The following MEST variants were observed in gnomAD, a reference collection of about 807,000 sequenced individuals.
MEST encodes mesoderm specific transcript.
In MEST, 18 loss-of-function variants were observed where a neutral mutation model predicts 50.9. The ratio of observed to expected loss-of-function variants is 0.35; its 90% CI spans 0.24 to 0.52. The LOEUF (loss-of-function observed/expected upper bound fraction) is 0.52. MEST is among the 20% of genes least tolerant of loss of function. MEST has a pLI of 0.94. For missense variants in MEST, 282 were observed against 425.3 expected, an observed-to-expected ratio of 0.66 and a Z score of 2.96; for synonymous variants, 130 against 154.1, an observed-to-expected ratio of 0.84 and a Z score of 1.16.
intron 1 of MEST, chr7:130,486,982 G>C (rs1554433899): frequency 1.3e-5 from 2 of 153,042 alleles, no homozygotes; most frequent in South Asian, 2.1e-4. Context: ...GGTTCAGGGA[G>C]GGGGACAGCT....
chr7:130,489,674 A>G (rs1447654803), upstream of MEST: 7 of 152,254 alleles, frequency 4.6e-5, no homozygotes, highest in Non-Finnish European at 1.0e-4. Flanking sequence ...TTCCATGCCC[A>G]TCTCAACCTC....
At position 130,498,475 on chromosome 7, in the gene MEST, G is replaced by T. The variant is rs1799155282; in HGVS notation, c.533G>T (p.Gly178Val). ...ATAAAGAGTCTCTGTCTGTCAAATG[G>T]AGGTAATTGCCTTGGCGGTAGGTAG... ...LTIKSLCLSN[G>V]GIFPETHRPL... Residue 178 changes from glycine (G) to valine (V), a missense_variant and splice_region_variant, in exon 6 of 12, where the codon GGA (glycine) becomes GTA (valine). Gly to Val is a moderately radical substitution (Grantham distance 109). Coordinates refer to ENST00000223215, the MANE Select transcript of MEST (RefSeq NM_002402.4). 6.2e-7 allele frequency: 1 copy of T among 1,614,120 alleles called. No individual in the cohort carries two copies. The highest frequency in any genetic ancestry group is 8.5e-7 in the Non-Finnish European group (1 of 1,180,018).
At chr7:130,494,000 C>T (rs1554436162) in intron 1 of MEST, among the ~76,000 whole-genome samples, 1 of 152,066 alleles carries the variant, frequency 6.6e-6, no homozygotes, top group Non-Finnish European at 1.5e-5. Context: ...TGGTTCTATC[C>T]GTCTTATGGA....
rs1199587921 is a variant in MEST at position 130,492,517 on chromosome 7, C to T, written c.26+178C>T. 1.2e-5 allele frequency: 5 copies of T among 428,384 alleles called. No homozygotes were observed. The highest frequency in any genetic ancestry group is 1.6e-5 in the Non-Finnish European group (4 of 255,416). The allele number at this position is 428,384 out of a possible 1,614,324, so 26.5% of individuals were successfully genotyped here. On this transcript the variant is annotated intron_variant, in intron 1 of 11. Transcript: ENST00000223215. This position sits in a 1 kb window ranked among gnomAD's most constrained non-coding sequence, Gnocchi z 7.6. Reference sequence around the variant, plus strand: ...ACTTGAGGAGGGGGTGTCACTCCTGCCCGCAATGGAATGTTCAGAACGCGG... The same window carrying T: ...ACTTGAGGAGGGGGTGTCACTCCTGTCCGCAATGGAATGTTCAGAACGCGG...
In MEST at chr7:130,500,631, CA is replaced by C; in HGVS notation, c.647+102del. On this transcript the variant is annotated intron_variant, in intron 8 of 11. Coordinates refer to ENST00000223215, the MANE Select transcript of MEST (RefSeq NM_002402.4). The surrounding 1 kb of genome is among the most constrained non-coding windows in gnomAD (Gnocchi z 5.0). Reference sequence around the variant, plus strand: ...AATCCTAAGGCTTGATATTTTAAAGCAAAGGTGTTGGCCGCTTGCCAGGGAA... The same window carrying C: ...AATCCTAAGGCTTGATATTTTAAAGCAAGGTGTTGGCCGCTTGCCAGGGAA... The C allele has an allele frequency of 7.4e-7, 1 of 1,356,218 alleles. No homozygotes were observed. Among genetic ancestry groups the C allele is most frequent in the South Asian group, 1.3e-5 (1 of 76,256 alleles). 84.0% of individuals were successfully genotyped at this position (1,356,218 alleles called of 1,614,324 possible).
chr7:130,498,195 G>A lies in MEST; in HGVS notation c.396G>A (p.Arg132=). The change falls in exon 5 of 12, where the codon CGG becomes CGA. Residue 132 remains arginine, a synonymous_variant. Coordinates refer to ENST00000223215, the MANE Select transcript of MEST (RefSeq NM_002402.4). Reference sequence around the variant, plus strand: ...CCAGCATCGTGGAAGCGCTTTTGCGGCATCTGGGGCTCCAGAACCGCAGGA... The same window carrying A: ...CCAGCATCGTGGAAGCGCTTTTGCGACATCTGGGGCTCCAGAACCGCAGGA... ...EQASIVEALL[R]HLGLQNRRIN... is the part of the protein sequence containing the mutation. 6.2e-7 allele frequency: 1 copy of A among 1,614,146 alleles called. No homozygotes were observed. The highest frequency in any genetic ancestry group is 8.5e-7 in the Non-Finnish European group (1 of 1,180,030).
At position 130,497,350 on chromosome 7, in the gene MEST, A is replaced by G; in HGVS notation, c.261+115A>G. ...GGTGGGAGGATGACCTGAGGTCAGG[A>G]GTTTGAGACCAGCCAGGCCAACATG... On this transcript the variant is annotated intron_variant, in intron 3 of 11. Transcript: ENST00000223215. This position sits in a 1 kb window ranked among gnomAD's most constrained non-coding sequence, Gnocchi z 4.0. 1.3e-6 allele frequency: 1 copy of G among 748,770 alleles called. No individual in the cohort carries two copies. Among genetic ancestry groups the G allele is most frequent in the Admixed American group, 2.7e-5 (1 of 36,952 alleles). 46.4% of individuals were successfully genotyped at this position (748,770 alleles called of 1,614,324 possible).
At position 130,495,231 on chromosome 7, in the gene MEST, C is replaced by T. The variant is rs578077049; in HGVS notation, c.27-137C>T. 128 of 799,564 alleles carry T rather than the reference C, an allele frequency of 1.6e-4. No homozygotes were observed. In the African/African-American group the frequency reaches 2.1e-3, roughly 13 times the overall value. The allele number at this position is 799,564 out of a possible 1,614,324, so 49.5% of individuals were successfully genotyped here. ...GAGGTTTGATTATAGTCTCGGTCAGCTTTGTGCCTATGTGAAGGGCAATGT... is the reference window on the plus strand; with the variant it reads ...GAGGTTTGATTATAGTCTCGGTCAGTTTTGTGCCTATGTGAAGGGCAATGT... On this transcript the variant is annotated intron_variant, in intron 1 of 11. Transcript: ENST00000223215.
chr7:130,503,565 T>G (rs2116301822), intron 10 of MEST, among the ~76,000 whole-genome samples: 1 of 152,324 alleles, frequency 6.6e-6, no homozygotes, highest in East Asian at 1.9e-4. Context: ...TCCTAGCTTT[T>G]TGGGAGGCTG....
At chr7:130,494,836 T>C (rs1798978644) in intron 1 of MEST, 2 of 984,986 alleles carry the variant, frequency 2.0e-6, no homozygotes, top group Admixed American at 1.2e-4. Flanking sequence ...AGCTCTCTGC[T>C]TGAGGACATG....
chr7:130,493,427 C>T (rs1340759074), intron 1 of MEST, among the ~76,000 whole-genome samples: 4 of 152,138 alleles, frequency 2.6e-5, no homozygotes, highest in African/African-American at 9.7e-5. Flanking sequence ...AAAATGTTTG[C>T]TTAACCCATT....
upstream of MEST, chr7:130,488,377 G>A (rs1798685342): frequency 6.6e-6 from 1 of 152,232 alleles, no homozygotes. Flanking sequence ...AGAATAAAAT[G>A]TCTAATGCTG....
chr7:130,497,556 CA>C lies in MEST; in HGVS notation c.261+330del, dbSNP rs1188737633. 125 of 240,412 alleles carry C rather than the reference CA, an allele frequency of 5.2e-4. No homozygotes were observed. The highest frequency in any genetic ancestry group is 2.8e-3 in the Admixed American group (55 of 19,462). The allele number at this position is 240,412 out of a possible 1,614,324, so 14.9% of individuals were successfully genotyped here. ...TAGGTGACAGAGCGAGAGTCTGTCT[CA>C]AAAAAAAATTTTTTTTTAATAAAAA... On this transcript the variant is annotated intron_variant, in intron 3 of 11. Coordinates refer to ENST00000223215, the MANE Select transcript of MEST (RefSeq NM_002402.4). The surrounding 1 kb of genome is among the most constrained non-coding windows in gnomAD (Gnocchi z 4.0).
In MEST at chr7:130,505,278, A is replaced by G. The variant is rs1799436541; in HGVS notation, c.*222A>G. 7.0e-6 allele frequency: 3 copies of G among 426,524 alleles called. No individual in the cohort carries two copies. Among genetic ancestry groups the G allele is most frequent in the Non-Finnish European group, 8.5e-6 (2 of 234,150 alleles). The allele number at this position is 426,524 out of a possible 1,614,324, so 26.4% of individuals were successfully genotyped here. A position where few individuals can be genotyped will look rare whatever the true frequency, so the allele number is the denominator to read the frequency against. On this transcript the variant is annotated 3_prime_UTR_variant, in exon 12 of 12. Transcript: ENST00000223215. ...CTCCCATTACTTTGATATCTGATCA[A>G]ATGTATAGACTTGGCTTTGTTTTTT... is the stretch of plus-strand genomic sequence containing the variant.
In MEST at chr7:130,495,218, T is replaced by C. The variant is rs1257368440; in HGVS notation, c.27-150T>C. The C allele has an allele frequency of 1.3e-5, 9 of 673,464 alleles. No individual in the cohort carries two copies. The East Asian group carries it at 2.0e-4, about 15-fold the overall frequency. The allele number at this position is 673,464 out of a possible 1,614,324, so 41.7% of individuals were successfully genotyped here. A position where few individuals can be genotyped will look rare whatever the true frequency, so the allele number is the denominator to read the frequency against. On this transcript the variant is annotated intron_variant, in intron 1 of 11. Coordinates refer to ENST00000223215, the MANE Select transcript of MEST (RefSeq NM_002402.4). The stretch of plus-strand genomic sequence containing the variant: ...GCTATGGCAGACAGAGGTTTGATTA[T>C]AGTCTCGGTCAGCTTTGTGCCTATG...
chr7:130,492,418 C>G lies in MEST; in HGVS notation c.26+79C>G, dbSNP rs1554435635. The G allele has an allele frequency of 8.6e-6, 10 of 1,168,944 alleles. No individual in the cohort carries two copies. Among genetic ancestry groups the G allele is most frequent in the South Asian group, 8.3e-5 (2 of 24,004 alleles). The allele number at this position is 1,168,944 out of a possible 1,614,324, so 72.4% of individuals were successfully genotyped here. On this transcript the variant is annotated intron_variant, in intron 1 of 11. Transcript: ENST00000223215. This position sits in a 1 kb window ranked among gnomAD's most constrained non-coding sequence, Gnocchi z 7.6. Reference sequence around the variant, plus strand: ...GCAGGCGAGCGGAGGACTGTGTGCCCGTGTCCGAGCTGGGGCTGCCTCTGG... The same window carrying G: ...GCAGGCGAGCGGAGGACTGTGTGCCGGTGTCCGAGCTGGGGCTGCCTCTGG...
rs529644539 is a variant in MEST, at chr7:130,504,489, A to G, written c.891-450A>G. ...ATTATGTCACATAAGAATGTTCCAT[A>G]CCTTCCTGTGGCCTACTGGATACAA... On this transcript the variant is annotated intron_variant, in intron 11 of 11. Coordinates refer to ENST00000223215, the MANE Select transcript of MEST (RefSeq NM_002402.4). Among the ~76,000 whole-genome samples, 11 of 152,328 alleles carry G rather than the reference A, an allele frequency of 7.2e-5. No homozygotes were observed. The South Asian group carries it at 2.1e-3, about 29-fold the overall frequency.
At chr7:130,502,888 A>G (rs549332669) in intron 10 of MEST, among the ~76,000 whole-genome samples, 168 bp downstream of exon 10, 15 of 152,320 alleles carry the variant, frequency 9.8e-5, no homozygotes, top group African/African-American at 3.6e-4. Flanking sequence ...ATTTAAGTAT[A>G]TGTTGTACAA....
intron 10 of MEST, 139 bp from the exon 11 acceptor site, chr7:130,503,794 C>T (rs1446343593): frequency 4.7e-6 from 3 of 637,440 alleles, no homozygotes; most frequent in Non-Finnish European, 5.5e-6. Flanking sequence ...CCAGCCTGAG[C>T]AAGGGAGAGA....
Sources: gnomAD v4.1 joint callset for allele counts (sites outside exome capture counted in the v4.1 genomes callset) on GRCh38, gnomAD v4.1.1 for gene constraint, Gnocchi (gnomAD v3.1) non-coding constraint, MANE v1.5 for transcripts, NCBI Gene and HGNC (gene_info 2026-07-23, HGNC 2026-07-21) for gene names.